Variants in ZEB1 observed in about 807,000 individuals in gnomAD.
ZEB1 encodes zinc finger E-box binding homeobox 1, also known as zinc finger E-box-binding homeobox 1.
ZEB1 carries 21 observed loss-of-function variants against 84.9 expected under a neutral mutation model. The observed-to-expected ratio is 0.25, with a 90% CI of 0.18 to 0.36. The LOEUF (loss-of-function observed/expected upper bound fraction) is 0.36, where lower values mean the gene tolerates loss of function less well. Among genes scored for constraint, ZEB1 ranks in the 10% least tolerant of loss-of-function variants. The pLI is 1.00. For synonymous variants in ZEB1, 420 were observed against 471.1 expected (o/e 0.89, Z 1.41); for missense variants, 1,104 against 1,330.2 (o/e 0.83, Z 2.65).
At chr10:31,324,691 T>C (rs1430347877) in intron 1 of ZEB1, among the ~76,000 whole-genome samples, 1 of 152,066 alleles carries the variant, frequency 6.6e-6, no homozygotes, top group Non-Finnish European at 1.5e-5. Context: ...AATTGAGATA[T>C]AAGCTAAAAT....
chr10:31,363,105 G>A, intron 1 of ZEB1: 10 of 1,533,962 alleles, frequency 6.5e-6, no homozygotes, highest in Non-Finnish European at 8.7e-6. Flanking sequence ...CGGCAGCTCT[G>A]GGTGGAGAAG....
intron 1 of ZEB1, among the ~76,000 whole-genome samples, chr10:31,353,816 G>A (rs538839706): frequency 1.5e-4 from 23 of 152,266 alleles, no homozygotes; most frequent in Middle Eastern, 6.8e-3. Context: ...TGGTCACCAG[G>A]AGAAGGAGTC....
At chr10:31,362,938 C>G in intron 1 of ZEB1, 1 of 1,533,062 alleles carries the variant, frequency 6.5e-7, no homozygotes, top group Non-Finnish European at 8.7e-7. Flanking sequence ...GCGTCCTTCT[C>G]TTTGGGAAGC....
chr10:31,331,112 C>T (rs1331215168), intron 1 of ZEB1, among the ~76,000 whole-genome samples: 1 of 77,890 alleles, frequency 1.3e-5, no homozygotes, highest in East Asian at 3.8e-4. Context: ...TTTTTTGAGA[C>T]GGAGTCTTGC....
chr10:31,329,475 T>C (rs1385412591), intron 1 of ZEB1, among the ~76,000 whole-genome samples: 1 of 152,148 alleles, frequency 6.6e-6, no homozygotes, highest in Non-Finnish European at 1.5e-5. Flanking sequence ...TTTGCTCTAA[T>C]GAATAAAGCT....
At chr10:31,333,359 C>G (rs1218683892) in intron 1 of ZEB1, among the ~76,000 whole-genome samples, 1 of 152,070 alleles carries the variant, frequency 6.6e-6, no homozygotes, top group Non-Finnish European at 1.5e-5. Context: ...TCACCACATT[C>G]TCACAGATAA....
At chr10:31,379,889 C>A (rs942723102) in intron 1 of ZEB1, among the ~76,000 whole-genome samples, 2 of 152,162 alleles carry the variant, frequency 1.3e-5, no homozygotes, top group Admixed American at 1.3e-4. Context: ...AGTCTTTTCA[C>A]TCCTGCATTC....
chr10:31,441,146 A>G (rs1243280044), intron 1 of ZEB1, among the ~76,000 whole-genome samples: 1 of 152,216 alleles, frequency 6.6e-6, no homozygotes, highest in East Asian at 1.9e-4. Flanking sequence ...ACACTACCTG[A>G]CTTCAAACTA....
At chr10:31,522,592 G>A (rs747042290) in intron 7 of ZEB1, among the ~76,000 whole-genome samples, 12 of 152,080 alleles carry the variant, frequency 7.9e-5, no homozygotes, top group Non-Finnish European at 1.5e-4. Flanking sequence ...TTCTGTCCAG[G>A]AAGAACCCTT....
At chr10:31,337,493 T>C (rs973088214) in intron 1 of ZEB1, among the ~76,000 whole-genome samples, 5 of 152,232 alleles carry the variant, frequency 3.3e-5, no homozygotes, top group African/African-American at 9.6e-5. Context: ...CAACATTTAA[T>C]CTAAAATAGT....
chr10:31,321,600 G>A (rs2034080633), intron 1 of ZEB1: 2 of 1,612,196 alleles, frequency 1.2e-6, no homozygotes, highest in Non-Finnish European at 1.7e-6. Context: ...AGAGAAAGGG[G>A]CTTTTCTTGT....
intron 2 of ZEB1, among the ~76,000 whole-genome samples, chr10:31,462,501 C>A (rs1431694253): frequency 6.6e-6 from 1 of 152,084 alleles, no homozygotes; most frequent in Non-Finnish European, 1.5e-5. Flanking sequence ...AAGGAGAAGT[C>A]GTAGAAGAGT....
chr10:31,468,418 A>G (rs1208184177), intron 2 of ZEB1, among the ~76,000 whole-genome samples: 1 of 152,188 alleles, frequency 6.6e-6, no homozygotes, highest in Admixed American at 6.5e-5. Context: ...TGTTGATATC[A>G]TTGCACAGCA....
At chr10:31,347,578 G>C (rs2040532088) in intron 1 of ZEB1, among the ~76,000 whole-genome samples, 1 of 152,020 alleles carries the variant, frequency 6.6e-6, no homozygotes, top group African/African-American at 2.4e-5. Flanking sequence ...GTAACTTGTT[G>C]CCTCCTGACA....
chr10:31,383,390 C>A (rs183084959), intron 1 of ZEB1, among the ~76,000 whole-genome samples: 107 of 151,736 alleles, frequency 7.1e-4, no homozygotes, highest in African/African-American at 2.4e-3. Flanking sequence ...AGTGTAGTTC[C>A]AGAAATAAAG....
intron 8 of ZEB1, 103 bp downstream of exon 8, chr10:31,524,216 TTA>T: frequency 1.6e-6 from 2 of 1,276,586 alleles, no homozygotes; most frequent in Non-Finnish European, 1.1e-6. Flanking sequence ...TTTTTTTTTT[TTA>T]TTTTGTTTTG....
intron 1 of ZEB1, among the ~76,000 whole-genome samples, chr10:31,353,560 T>C (rs2041648328): frequency 6.6e-6 from 1 of 152,216 alleles, no homozygotes; most frequent in African/African-American, 2.4e-5. Flanking sequence ...TTTAGGTCAA[T>C]TCCAGAATTT....
At chr10:31,517,560 A>C (rs557201709) in intron 6 of ZEB1, among the ~76,000 whole-genome samples, 27 of 152,002 alleles carry the variant, frequency 1.8e-4, no homozygotes, top group African/African-American at 6.5e-4. Context: ...AAACTTCCTG[A>C]TGTAACCTTC....
chr10:31,508,554 A>C (rs1003760927), intron 4 of ZEB1, among the ~76,000 whole-genome samples: 1 of 152,036 alleles, frequency 6.6e-6, no homozygotes, highest in Non-Finnish European at 1.5e-5. Flanking sequence ...TCAGGTGACA[A>C]CAGTGTTGGA....
Sources: allele counts gnomAD v4.1 joint callset (sites outside exome capture counted in the v4.1 genomes callset), GRCh38; gene constraint gnomAD v4.1.1; transcripts MANE v1.5; gene names NCBI Gene and HGNC (gene_info 2026-07-23, HGNC 2026-07-21).